Variants in NLRP1 observed in about 807,000 individuals in gnomAD.
NLRP1 encodes NLR family pyrin domain containing 1, also known as NACHT, LRR and PYD domains-containing protein 1.
A neutral mutation model predicts 136.7 loss-of-function variants in NLRP1; 94 were observed. That is an observed-to-expected ratio of 0.69 (90% CI 0.58 to 0.82). NLRP1 has a LOEUF of 0.82. Ranked by LOEUF, NLRP1 falls within the 40% of genes least tolerant of loss-of-function variation. The pLI is 0.00. For missense variants in NLRP1, 1,575 were observed against 1,802.7 expected (o/e 0.87, Z 2.29); for synonymous variants, 690 against 725.1 (o/e 0.95, Z 0.78).
rs1210315640 is a variant in NLRP1, at chr17:5,559,023, G to A, written c.1673C>T (p.Ala558Val). The A allele has an allele frequency of 1.2e-6, 2 of 1,614,018 alleles. No individual in the cohort carries two copies. Among genetic ancestry groups the A allele is most frequent in the Admixed American group, 1.7e-5 (1 of 60,004 alleles). The change falls in exon 4 of 17, where the codon GCT (alanine) becomes GTT (valine). Residue 558 changes from alanine (A) to valine (V), a missense_variant. Physicochemically the swap from Ala to Val is moderately conservative, Grantham distance 64. Transcript: ENST00000572272. ...TTLCLHYLAQ[A>V]LQAQPLGPQL... ...GGGTCCCAATGGCTGAGCTTGGAGA[G>A]CCTGGGCAAGGTAATGTAGACAGAG...
At chr17:5,522,014 G>A (rs1233157414) in intron 12 of NLRP1, among the ~76,000 whole-genome samples, 1 of 152,150 alleles carries the variant, frequency 6.6e-6, no homozygotes, top group African/African-American at 2.4e-5. Flanking sequence ...TAGTAGAGAT[G>A]GGGTTTAACT....
In NLRP1 at chr17:5,583,642, G is replaced by A; in HGVS notation, c.271+45C>T. The A allele has an allele frequency of 6.5e-7, 1 of 1,532,752 alleles. No individual in the cohort carries two copies. Among genetic ancestry groups the A allele is most frequent in the South Asian group, 1.2e-5 (1 of 81,772 alleles). 94.9% of individuals were successfully genotyped at this position (1,532,752 alleles called of 1,614,324 possible). A position where few individuals can be genotyped will look rare whatever the true frequency, so the allele number is the denominator to read the frequency against. ...CCCAAGAGGGCAGGGCAGGCATGAGGGCCAGGGGATGTCCCGCGGGCAGTG... is the reference window on the plus strand; with the variant it reads ...CCCAAGAGGGCAGGGCAGGCATGAGAGCCAGGGGATGTCCCGCGGGCAGTG... On this transcript the variant is annotated intron_variant, in intron 1 of 16. Transcript: ENST00000572272. The surrounding 1 kb of genome is among the most constrained non-coding windows in gnomAD (Gnocchi z 4.5).
At chr17:5,557,736 G>A (rs1914250768) in intron 4 of NLRP1, among the ~76,000 whole-genome samples, 1 of 152,234 alleles carries the variant, frequency 6.6e-6, no homozygotes, top group African/African-American at 2.4e-5. Context: ...GCTGGAGAAT[G>A]GTTGGAGGAA....
At position 5,558,461 on chromosome 17, in the gene NLRP1, T is replaced by C. The variant is rs1914355201; in HGVS notation, c.2235A>G (p.Val745=). The C allele has an allele frequency of 6.2e-7, 1 of 1,614,160 alleles. No homozygotes were observed. The highest frequency in any genetic ancestry group is 8.5e-7 in the Non-Finnish European group (1 of 1,180,014). ...ACACTAAGAGCTCCATGTCTGTTTC[T>C]ACACACATGCCCATTTCTTCGAAAT... The part of the protein sequence containing the change: ...MAHFEEMGMC[V]ETDMELLVCT... Residue 745 remains valine, a synonymous_variant, in exon 4 of 17, where the codon GTA becomes GTG. Transcript: ENST00000572272.
chr17:5,517,363 C>CCCCCCCA (rs1908287888), intron 15 of NLRP1, among the ~76,000 whole-genome samples: 2 of 87,818 alleles, frequency 2.3e-5, no homozygotes, highest in African/African-American at 8.7e-5. Context: ...CCCCCCCCTC[C>CCCCCCCA]CACATACACA....
In NLRP1 at chr17:5,541,605, CCT is replaced by C. The variant is rs765163562; in HGVS notation, c.2699+250_2699+251del. Among the ~76,000 whole-genome samples the C allele has an allele frequency of 5.4e-4, 82 of 152,268 alleles. No homozygotes were observed. The highest frequency in any genetic ancestry group is 1.6e-3 in the African/African-American group (68 of 41,564). The stretch of plus-strand genomic sequence containing the variant: ...GTGAAAATGGCCACAAATTCTGCCC[CCT>C]GTCCCCACCTTGCATTCACGTCCCT... On this transcript the variant is annotated intron_variant, in intron 6 of 16. Transcript: ENST00000572272. This position sits in a 1 kb window ranked among gnomAD's most constrained non-coding sequence, Gnocchi z 4.2.
At chr17:5,560,424 T>A (rs2151804077) in intron 3 of NLRP1, among the ~76,000 whole-genome samples, 1 of 152,176 alleles carries the variant, frequency 6.6e-6, no homozygotes, top group East Asian at 1.9e-4. Flanking sequence ...AGCTGGGGGT[T>A]GTAGGTCATG....
At chr17:5,582,425 T>C (rs758824260) in intron 2 of NLRP1, among the ~76,000 whole-genome samples, 22 of 152,140 alleles carry the variant, frequency 1.4e-4, no homozygotes, top group Non-Finnish European at 2.6e-4. Context: ...GGAAGACTCA[T>C]TGCCTGACCC....
intron 3 of NLRP1, among the ~76,000 whole-genome samples, chr17:5,568,429 T>C (rs537428905): frequency 9.8e-5 from 15 of 152,300 alleles, no homozygotes; most frequent in African/African-American, 3.6e-4. Context: ...TTCAATCTCT[T>C]TATTACATTT....
At chr17:5,543,384 G>A (rs904079819) in intron 5 of NLRP1, among the ~76,000 whole-genome samples, 4 of 152,126 alleles carry the variant, frequency 2.6e-5, no homozygotes, top group Non-Finnish European at 5.9e-5. Context: ...CACAGCACGC[G>A]GTTAGTATAG....
chr17:5,549,881 A>G (rs1913116476), intron 5 of NLRP1, among the ~76,000 whole-genome samples: 1 of 151,962 alleles, frequency 6.6e-6, no homozygotes, highest in African/African-American at 2.4e-5. Flanking sequence ...TTTTATTTCT[A>G]GTTTGCTGAG....
intron 6 of NLRP1, among the ~76,000 whole-genome samples, chr17:5,540,197 A>G (rs1911694184): frequency 6.6e-6 from 1 of 152,230 alleles, no homozygotes; most frequent in African/African-American, 2.4e-5. Flanking sequence ...TGGTAAGTCC[A>G]TGTAGTGAAA....
At chr17:5,554,160 C>G (rs1913743704) in intron 4 of NLRP1, among the ~76,000 whole-genome samples, 1 of 152,062 alleles carries the variant, frequency 6.6e-6, no homozygotes, top group Non-Finnish European at 1.5e-5. Context: ...TCACATGGGA[C>G]CCTATCCCCT....
chr17:5,531,176 CT>C (rs1910213765), intron 11 of NLRP1, among the ~76,000 whole-genome samples: 1 of 56,804 alleles, frequency 1.8e-5, no homozygotes, highest in African/African-American at 7.4e-5. Flanking sequence ...TCTATCTAAT[CT>C]ATCTATCTAT....
chr17:5,558,620 G>A lies in NLRP1; in HGVS notation c.2076C>T (p.Cys692=). The A allele has an allele frequency of 6.2e-7, 1 of 1,614,062 alleles. No individual in the cohort carries two copies. Among genetic ancestry groups the A allele is most frequent in the Non-Finnish European group, 8.5e-7 (1 of 1,180,010 alleles). ...TCAGGTTCCTCCCCTGAGACAGCCG[G>A]CAGTGAAAGATGTTCTCCATCTCTC... ...GEREMENIFH[C]RLSQGRNLMQ... The change falls in exon 4 of 17, where the codon TGC becomes TGT. Residue 692 remains cysteine, a synonymous_variant. Coordinates refer to ENST00000572272, the MANE Select transcript of NLRP1 (RefSeq NM_033004.4).
In NLRP1 at chr17:5,536,846, C is replaced by G. The variant is rs1315602339; in HGVS notation, c.2960+5G>C. 5 of 1,608,196 alleles carry G rather than the reference C, an allele frequency of 3.1e-6. No homozygotes were observed. Among genetic ancestry groups the G allele is most frequent in the Non-Finnish European group, 4.3e-6 (5 of 1,174,818 alleles). On this transcript the variant is annotated splice_donor_5th_base_variant and intron_variant, in intron 8 of 16. Transcript: ENST00000572272. ...AGCCAGAGGGAGTTCTGGGTCCCCC[C>G]TTACCGTCTGCTGAAGATGAGCAGC...
chr17:5,517,931 T>C (rs1908372165), intron 14 of NLRP1, 44 bp from the exon 15 acceptor site: 2 of 1,607,026 alleles, frequency 1.2e-6, no homozygotes, highest in Non-Finnish European at 1.7e-6. Context: ...TCATCTTGCA[T>C]GGAAGGTCTT....
intron 8 of NLRP1, 140 bp from the exon 9 acceptor site, chr17:5,534,128 G>A (rs1003199355): frequency 2.8e-6 from 2 of 721,454 alleles, no homozygotes; most frequent in African/African-American, 1.7e-5. Flanking sequence ...TTGGGAGGCC[G>A]GGATGGGTGG....
intron 6 of NLRP1, among the ~76,000 whole-genome samples, chr17:5,540,154 G>A (rs1911686559): frequency 6.6e-6 from 1 of 152,202 alleles, no homozygotes; most frequent in Admixed American, 6.5e-5. Flanking sequence ...AGACAATCTG[G>A]CTGCTCATAA....
Sources: allele counts gnomAD v4.1 joint callset (sites outside exome capture counted in the v4.1 genomes callset), GRCh38; gene constraint gnomAD v4.1.1; non-coding constraint Gnocchi (gnomAD v3.1); transcripts MANE v1.5; gene names NCBI Gene and HGNC (gene_info 2026-07-23, HGNC 2026-07-21).